Variants in NRG3 observed in about 807,000 individuals in gnomAD.
NRG3 encodes neuregulin 3.
A neutral mutation model predicts 66.9 loss-of-function variants in NRG3; 31 were observed. That is an observed-to-expected ratio of 0.46 (90% confidence interval 0.35 to 0.63). The LOEUF is 0.63. Among genes scored for constraint, NRG3 ranks in the 20% least tolerant of loss-of-function variants. The pLI, the probability that NRG3 is intolerant of heterozygous loss-of-function variation, is 0.00. For synonymous variants in NRG3, 393 were observed against 359.4 expected (o/e 1.09, Z -1.06); for missense variants, 910 against 878.9 (o/e 1.04, Z -0.45).
chr10:82,319,005 T>C (rs2081427211), intron 1 of NRG3, among the ~76,000 whole-genome samples: 1 of 152,178 alleles, frequency 6.6e-6, no homozygotes, highest in Non-Finnish European at 1.5e-5. Flanking sequence ...CTCCCAAACA[T>C]GTTTATTTTG....
chr10:82,198,708 A>T (rs2074585334), intron 1 of NRG3, among the ~76,000 whole-genome samples: 1 of 152,068 alleles, frequency 6.6e-6, no homozygotes. Context: ...TACTGAAAAT[A>T]ACTTAAGGGG....
At chr10:81,993,808 T>C (rs1160891399) in intron 1 of NRG3, among the ~76,000 whole-genome samples, 2 of 152,180 alleles carry the variant, frequency 1.3e-5, no homozygotes, top group African/African-American at 2.4e-5. Context: ...CTGTTTGTAA[T>C]ATGTTTCTCG....
At chr10:82,167,479 C>T (rs879191947) in intron 1 of NRG3, among the ~76,000 whole-genome samples, 2 of 151,984 alleles carry the variant, frequency 1.3e-5, no homozygotes, top group Admixed American at 1.3e-4. Context: ...GGGAGTGTTC[C>T]ACCCTGTAGA....
At chr10:82,807,007 A>C (rs985857931) in intron 3 of NRG3, among the ~76,000 whole-genome samples, 1 of 152,212 alleles carries the variant, frequency 6.6e-6, no homozygotes, top group Non-Finnish European at 1.5e-5. Context: ...CATGTGATGG[A>C]ATTACAGCTT....
intron 2 of NRG3, among the ~76,000 whole-genome samples, chr10:82,435,112 C>T (rs2090053584): frequency 6.6e-6 from 1 of 152,126 alleles, no homozygotes; most frequent in African/African-American, 2.4e-5. Context: ...ATTACTGCCT[C>T]TGTTTCAGAG....
intron 3 of NRG3, among the ~76,000 whole-genome samples, chr10:82,758,696 C>G (rs2059177633): frequency 6.6e-6 from 1 of 151,842 alleles, no homozygotes; most frequent in African/African-American, 2.4e-5. Context: ...CATTTTCTGC[C>G]CCCTAAATGT....
intron 4 of NRG3, among the ~76,000 whole-genome samples, chr10:82,867,531 G>C (rs1840872975): frequency 6.6e-6 from 1 of 152,140 alleles, no homozygotes; most frequent in Admixed American, 6.5e-5. Flanking sequence ...TTTCATAAGA[G>C]ACAAGAGAAA....
At chr10:82,350,538 C>T (rs1325564796) in intron 1 of NRG3, among the ~76,000 whole-genome samples, 1 of 152,196 alleles carries the variant, frequency 6.6e-6, no homozygotes, top group African/African-American at 2.4e-5. Context: ...TCAGCCACTT[C>T]TAACCTGAGG....
chr10:82,154,140 C>T (rs1590329322), intron 1 of NRG3, among the ~76,000 whole-genome samples: 2 of 152,102 alleles, frequency 1.3e-5, no homozygotes, highest in East Asian at 1.9e-4. Flanking sequence ...TCCAAGAAAT[C>T]GTTGCCCACA....
chr10:82,194,517 C>A (rs561575537), intron 1 of NRG3, among the ~76,000 whole-genome samples: 1 of 151,954 alleles, frequency 6.6e-6, no homozygotes, highest in Admixed American at 6.6e-5. Flanking sequence ...GGAGAGAAGG[C>A]GAGAGTGTAG....
At chr10:82,749,700 G>T (rs1010016220) in intron 3 of NRG3, among the ~76,000 whole-genome samples, 1 of 151,426 alleles carries the variant, frequency 6.6e-6, no homozygotes, top group African/African-American at 2.4e-5. Flanking sequence ...GAAAGCATAT[G>T]TGGGGACAGT....
In NRG3 at chr10:82,804,238, G is replaced by A. The variant is rs547121020; in HGVS notation, c.1028-61173G>A. On this transcript the variant is annotated intron_variant, in intron 3 of 8. Transcript: ENST00000372141. ...GAAACTTCTGGACTTAATAAGGAAAGAAAAAATTATATGCTGACATTGCTA... is the reference window on the plus strand; with the variant it reads ...GAAACTTCTGGACTTAATAAGGAAAAAAAAAATTATATGCTGACATTGCTA... 3.9e-5 allele frequency among the ~76,000 whole-genome samples: 6 copies of A among 152,262 alleles called. No individual in the cohort carries two copies. The South Asian group carries it at 6.2e-4, about 16-fold the overall frequency.
intron 3 of NRG3, among the ~76,000 whole-genome samples, chr10:82,764,552 A>G (rs983796253): frequency 4.0e-5 from 6 of 151,634 alleles, no homozygotes; most frequent in African/African-American, 1.5e-4. Flanking sequence ...TGGTAAAGAC[A>G]GGGCTTCACC....
intron 1 of NRG3, among the ~76,000 whole-genome samples, chr10:82,274,195 A>G (rs2068390570): frequency 6.6e-6 from 1 of 152,082 alleles, no homozygotes; most frequent in Admixed American, 6.6e-5. Context: ...TTCAAGAATC[A>G]TAAAAAGAGA....
At chr10:82,128,149 T>C (rs72825460) in intron 1 of NRG3, among the ~76,000 whole-genome samples, 15,539 of 152,000 alleles carry the variant, frequency 0.1, 1,092 homozygotes, top group South Asian at 0.15. Flanking sequence ...GAAGATAAAA[T>C]GTGTGCTGGG....
chr10:81,945,849 C>G (rs1848798035), intron 1 of NRG3, among the ~76,000 whole-genome samples: 1 of 152,030 alleles, frequency 6.6e-6, no homozygotes, highest in African/African-American at 2.4e-5. Flanking sequence ...GACGTGCACT[C>G]AGGGAGAATG....
chr10:82,823,351 A>C (rs1009449658), intron 3 of NRG3, among the ~76,000 whole-genome samples: 3 of 152,202 alleles, frequency 2.0e-5, no homozygotes, highest in Non-Finnish European at 4.4e-5. Flanking sequence ...AGAACAAAGC[A>C]GGGATAGGCT....
intron 1 of NRG3, among the ~76,000 whole-genome samples, chr10:81,977,454 A>G (rs1352603987): frequency 3.3e-5 from 5 of 152,204 alleles, no homozygotes; most frequent in Non-Finnish European, 7.3e-5. Context: ...TTATAGGCTT[A>G]AAGTAGACAA....
At chr10:82,963,628 C>T (rs188915668) in intron 6 of NRG3, among the ~76,000 whole-genome samples, 2 of 152,102 alleles carry the variant, frequency 1.3e-5, no homozygotes, top group African/African-American at 4.8e-5. Context: ...TGCAGTGAGC[C>T]GAGATGGCTC....
Sources: gnomAD v4.1 joint callset for allele counts (sites outside exome capture counted in the v4.1 genomes callset) on GRCh38, gnomAD v4.1.1 for gene constraint, MANE v1.5 for transcripts, NCBI Gene and HGNC (gene_info 2026-07-23, HGNC 2026-07-21) for gene names.